Variants in IQGAP2 observed in about 807,000 individuals in gnomAD.
IQGAP2 encodes the protein ras GTPase-activating-like protein IQGAP2.
Under a neutral mutation model 201.3 loss-of-function variants are expected in IQGAP2, and 173 were observed. The ratio of observed to expected loss-of-function variants is 0.86; its 90% CI spans 0.76 to 0.98. The LOEUF (loss-of-function observed/expected upper bound fraction) is 0.98. IQGAP2 is among the 50% of genes least tolerant of loss of function. The probability of loss-of-function intolerance (pLI) is 0.00; values close to 1 mark genes in which losing one functional copy is unlikely to be tolerated. For missense variants in IQGAP2, 1,687 were observed against 1,864.8 expected (o/e 0.90, Z 1.76); for synonymous variants, 675 against 673.9 (o/e 1.00, Z -0.03).
intron 15 of IQGAP2, among the ~76,000 whole-genome samples, chr5:76,636,103 C>A (rs1580684306): frequency 6.6e-6 from 1 of 152,156 alleles, no homozygotes; most frequent in Non-Finnish European, 1.5e-5. Context: ...CTTAAAGTTA[C>A]CCCTGCTTAG....
chr5:76,610,651 C>T (rs1351840882), intron 12 of IQGAP2, among the ~76,000 whole-genome samples: 1 of 151,868 alleles, frequency 6.6e-6, no homozygotes, highest in East Asian at 1.9e-4. Context: ...AGAAGTATTT[C>T]CATCTTAACA....
rs541585280 is a variant in IQGAP2 at position 76,559,790 on chromosome 5, C to T, written c.147-2606C>T. On this transcript the variant is annotated intron_variant, in intron 2 of 35. Coordinates refer to ENST00000274364, the MANE Select transcript of IQGAP2 (RefSeq NM_006633.5). ...TGGGTTTTCTCTGGGGACTCGTTTTCTTCCACGTCCCAAAGATGTGCATGT... is the reference window on the plus strand; with the variant it reads ...TGGGTTTTCTCTGGGGACTCGTTTTTTTCCACGTCCCAAAGATGTGCATGT... Among the ~76,000 whole-genome samples the T allele has an allele frequency of 4.6e-5, 7 of 152,230 alleles. No individual in the cohort carries two copies. The South Asian group carries it at 1.5e-3, about 32-fold the overall frequency.
At chr5:76,528,925 C>T (rs951940174) in intron 2 of IQGAP2, among the ~76,000 whole-genome samples, 1 of 152,252 alleles carries the variant, frequency 6.6e-6, no homozygotes, top group South Asian at 2.1e-4. Context: ...ATTTTGTTTG[C>T]TTGAGAAGCA....
At chr5:76,563,533 A>G (rs1744529804) in intron 3 of IQGAP2, among the ~76,000 whole-genome samples, 1 of 152,192 alleles carries the variant, frequency 6.6e-6, no homozygotes, top group Non-Finnish European at 1.5e-5. Flanking sequence ...ACTTTTTTAC[A>G]TTTGAAATTA....
intron 6 of IQGAP2, 115 bp downstream of exon 6, chr5:76,589,088 C>A (rs549566238): frequency 5.6e-6 from 3 of 537,860 alleles, no homozygotes; most frequent in Non-Finnish European, 1.0e-5. Flanking sequence ...CCGAGGCGGG[C>A]GGATCACAAG....
chr5:76,566,879 G>T (rs1386882400), intron 3 of IQGAP2, among the ~76,000 whole-genome samples: 1 of 151,950 alleles, frequency 6.6e-6, no homozygotes, highest in Non-Finnish European at 1.5e-5. Context: ...GTGTTTGGTG[G>T]TGAAGGGCCA....
chr5:76,524,433 G>T (rs1758854866), intron 2 of IQGAP2, among the ~76,000 whole-genome samples: 1 of 152,182 alleles, frequency 6.6e-6, no homozygotes, highest in Non-Finnish European at 1.5e-5. Context: ...ACAGCACCCA[G>T]CATTTGAGAA....
At chr5:76,434,595 T>C (rs533643562) in intron 1 of IQGAP2, among the ~76,000 whole-genome samples, 2 of 152,278 alleles carry the variant, frequency 1.3e-5, no homozygotes, top group East Asian at 3.9e-4. Flanking sequence ...CACTTATTGG[T>C]CAATGGGCAC....
chr5:76,431,095 T>A (rs1284989095), intron 1 of IQGAP2, among the ~76,000 whole-genome samples: 1 of 152,078 alleles, frequency 6.6e-6, no homozygotes. Context: ...ATGTAAAAAT[T>A]CAGGAAATAG....
chr5:76,553,132 TTTTGC>T (rs1743679095), intron 2 of IQGAP2, among the ~76,000 whole-genome samples: 1 of 152,162 alleles, frequency 6.6e-6, no homozygotes, highest in Admixed American at 6.5e-5. Context: ...ATGGTGGCAG[TTTTGC>T]ATTGGCCTCC....
intron 30 of IQGAP2, among the ~76,000 whole-genome samples, chr5:76,684,313 C>T (rs1360947461): frequency 6.6e-6 from 1 of 152,180 alleles, no homozygotes; most frequent in African/African-American, 2.4e-5. Flanking sequence ...CACGTACCTA[C>T]AATAAGACAT....
intron 3 of IQGAP2, 35 bp from the exon 4 acceptor site, chr5:76,570,545 C>T: frequency 6.8e-7 from 1 of 1,464,198 alleles, no homozygotes; most frequent in Non-Finnish European, 9.6e-7. Flanking sequence ...TGTGTGGTTC[C>T]TTCTCTCCCT....
chr5:76,515,747 A>G (rs1458731329), intron 2 of IQGAP2, among the ~76,000 whole-genome samples: 1 of 152,178 alleles, frequency 6.6e-6, no homozygotes, highest in Non-Finnish European at 1.5e-5. Context: ...TTAGAAAAAT[A>G]AAGTAGTTTT....
At chr5:76,527,179 A>T (rs1322493682) in intron 2 of IQGAP2, among the ~76,000 whole-genome samples, 1 of 152,190 alleles carries the variant, frequency 6.6e-6, no homozygotes, top group East Asian at 1.9e-4. Context: ...GATCTTTATG[A>T]AAACAAACTG....
intron 2 of IQGAP2, among the ~76,000 whole-genome samples, chr5:76,551,752 G>A (rs1295240875): frequency 6.6e-6 from 1 of 151,990 alleles, no homozygotes; most frequent in Non-Finnish European, 1.5e-5. Flanking sequence ...CACTCTGCAG[G>A]CTGAGGCAGG....
chr5:76,665,329 A>G (rs253094), intron 22 of IQGAP2, among the ~76,000 whole-genome samples, 154 bp downstream of exon 22: 37,517 of 152,120 alleles, frequency 0.25, 5,098 homozygotes, highest in East Asian at 0.55. Flanking sequence ...TGCTTTACAT[A>G]CATTATCTCA....
chr5:76,662,344 ACTCT>A (rs1159251680), intron 21 of IQGAP2, among the ~76,000 whole-genome samples: 1 of 151,570 alleles, frequency 6.6e-6, no homozygotes, highest in South Asian at 2.1e-4. Context: ...GCCTTCACCA[ACTCT>A]CTCTGTTTCT....
At chr5:76,652,667 T>G in intron 17 of IQGAP2, 83 bp from the exon 18 acceptor site, 3 of 962,112 alleles carry the variant, frequency 3.1e-6, no homozygotes, top group Non-Finnish European at 5.1e-6. Context: ...CCATGCGGCC[T>G]GAGATGTGCT....
At position 76,698,027 on chromosome 5, in the gene IQGAP2, C is replaced by T; in HGVS notation, c.4247C>T (p.Ala1416Val). 1 of 1,613,226 alleles carries T rather than the reference C, an allele frequency of 6.2e-7. No homozygotes were observed. The highest frequency in any genetic ancestry group is 2.2e-5 in the East Asian group (1 of 44,814). Residue 1416 changes from alanine (A) to valine (V), a missense_variant, in exon 33 of 36, where the codon GCT (alanine) becomes GTT (valine). Physicochemically the swap from Ala to Val is moderately conservative, Grantham distance 64. Coordinates refer to ENST00000274364, the MANE Select transcript of IQGAP2 (RefSeq NM_006633.5). ...AGAATCTATCGTAAGCTTCGAAAAG[C>T]TGAATTGGCAAAACTTCAGCAGACC... ...NQRIYRKLRK[A>V]ELAKLQQTLN... is the part of the protein sequence containing the mutation.
Sources: gnomAD v4.1 joint callset for allele counts (sites outside exome capture counted in the v4.1 genomes callset) on GRCh38, gnomAD v4.1.1 for gene constraint, MANE v1.5 for transcripts, NCBI Gene and HGNC (gene_info 2026-07-23, HGNC 2026-07-21) for gene names.